Variants in FRG1 observed in about 807,000 individuals in gnomAD.
The protein encoded by FRG1 is protein FRG1.
In FRG1, 19 loss-of-function variants were observed where a neutral mutation model predicts 37.0. The observed-to-expected ratio is 0.51, with a 90% CI of 0.36 to 0.75. The LOEUF (loss-of-function observed/expected upper bound fraction) is 0.75. Ranked by LOEUF, FRG1 falls within the 30% of genes least tolerant of loss-of-function variation. The pLI is 0.00. For missense variants in FRG1, 243 were observed against 301.4 expected (o/e 0.81, Z 1.44); for synonymous variants, 73 against 96.5 (o/e 0.76, Z 1.43).
At position 189,961,886 on chromosome 4, in the gene FRG1, A is replaced by T. The variant is rs867397318; in HGVS notation, c.694A>T (p.Lys232Ter). Residue 232 changes from lysine to a stop codon, truncating the protein, a stop_gained, in exon 8 of 9, where the codon AAA (lysine) becomes TAA (stop). Coordinates refer to ENST00000226798, the MANE Select transcript of FRG1 (RefSeq NM_004477.3). LOFTEE classifies it high-confidence loss of function. The stretch of plus-strand genomic sequence containing the variant: ...AAGTAAAGAAGACAGTAAAATTCTT[A>T]AAAAGGCTCGGAAAGATGGATTTTT... ...KISKEDSKILKKARKDGFLHE... is the reference protein window; with the variant it reads ...KISKEDSKIL The T allele has an allele frequency of 1.3e-6, 2 of 1,599,576 alleles. No individual in the cohort carries two copies. Among genetic ancestry groups the T allele is most frequent in the Admixed American group, 1.7e-5 (1 of 57,844 alleles).
At position 189,941,797 on chromosome 4, in the gene FRG1, G is replaced by A. The variant is rs1214097560; in HGVS notation, c.62+726G>A. 2.2e-5 allele frequency: 9 copies of A among 410,514 alleles called. No homozygotes were observed. In the Admixed American group the frequency reaches 2.3e-4, roughly 11 times the overall value. 25.4% of individuals were successfully genotyped at this position (410,514 alleles called of 1,614,324 possible). A position where few individuals can be genotyped will look rare whatever the true frequency, so the allele number is the denominator to read the frequency against. ...ATTAGCTTTTTAGGAAAAAATACCT[G>A]TGCACTCATATCCCCGCTTCTTTTT... On this transcript the variant is annotated intron_variant, in intron 1 of 8. Transcript: ENST00000226798.
At chr4:189,949,481 C>T (rs374144754) in intron 2 of FRG1, among the ~76,000 whole-genome samples, 1 of 152,110 alleles carries the variant, frequency 6.6e-6, no homozygotes, top group Non-Finnish European at 1.5e-5. Context: ...ATTAAAGTAA[C>T]GTTATTGTAT....
intron 6 of FRG1, among the ~76,000 whole-genome samples, 170 bp downstream of exon 6, chr4:189,957,672 T>G (rs2293867): frequency 0.35 from 53,197 of 151,870 alleles, 9,762 homozygotes; most frequent in African/African-American, 0.46. Context: ...ATAGTTGATG[T>G]CTTGTTTATA....
intron 5 of FRG1, among the ~76,000 whole-genome samples, chr4:189,957,021 TA>T (rs1737010834): frequency 6.6e-6 from 1 of 152,214 alleles, no homozygotes; most frequent in South Asian, 2.1e-4. Context: ...AAATTTTACT[TA>T]AAATGCTAAT....
intron 4 of FRG1, 120 bp downstream of exon 4, chr4:189,953,245 G>T (rs1179930876): frequency 2.9e-6 from 4 of 1,356,560 alleles, no homozygotes; most frequent in South Asian, 4.0e-5. Flanking sequence ...AAACAAAATA[G>T]CTTTTTTGAA....
intron 4 of FRG1, among the ~76,000 whole-genome samples, chr4:189,953,647 A>C (rs1736857320): frequency 6.6e-6 from 1 of 152,140 alleles, no homozygotes; most frequent in African/African-American, 2.4e-5. Context: ...ATATTTTAGT[A>C]ATTGGTTACA....
At chr4:189,953,229 T>C (rs1736837270) in intron 4 of FRG1, 104 bp downstream of exon 4, 1 of 1,402,244 alleles carries the variant, frequency 7.1e-7, no homozygotes, top group Non-Finnish European at 9.3e-7. Context: ...GTAATTTTGA[T>C]GTAAAAAACA....
Position 189,955,017 on chromosome 4 carries a change from T to A in FRG1, c.318-20T>A, listed in dbSNP as rs761683374. ...ATTTTCTCTCAGTCTTTAACTTTTA[T>A]CTATGTTATTAATGTACAGAATCGC... On this transcript the variant is annotated intron_variant, in intron 4 of 8. Transcript: ENST00000226798. 40 of 1,447,014 alleles carry A rather than the reference T, an allele frequency of 2.8e-5. 1 individual carries two copies. The South Asian group carries it at 4.4e-4, about 16-fold the overall frequency. The allele number at this position is 1,447,014 out of a possible 1,614,324, so 89.6% of individuals were successfully genotyped here. A position where few individuals can be genotyped will look rare whatever the true frequency, so the allele number is the denominator to read the frequency against.
chr4:189,943,770 G>A, intron 2 of FRG1, among the ~76,000 whole-genome samples: 1 of 152,030 alleles, frequency 6.6e-6, no homozygotes, highest in East Asian at 1.9e-4. Flanking sequence ...TAACCAGCCT[G>A]TTTTCCGTTT....
chr4:189,947,268 G>T (rs80277054), intron 2 of FRG1, among the ~76,000 whole-genome samples: 1 of 152,090 alleles, frequency 6.6e-6, no homozygotes, highest in Non-Finnish European at 1.5e-5. Flanking sequence ...AATCTCCAGC[G>T]GTAATTCTAG....
chr4:189,943,063 G>C (rs1388122885), intron 1 of FRG1, 139 bp from the exon 2 acceptor site: 1 of 888,704 alleles, frequency 1.1e-6, no homozygotes, highest in East Asian at 2.6e-5. Flanking sequence ...CTGTATTTAA[G>C]AGGGCATATC....
intron 8 of FRG1, among the ~76,000 whole-genome samples, 180 bp downstream of exon 8, chr4:189,962,112 G>C (rs969681483): frequency 6.6e-6 from 1 of 152,126 alleles, no homozygotes; most frequent in Non-Finnish European, 1.5e-5. Flanking sequence ...TGTCATGAAA[G>C]AATATCTAAA....
At chr4:189,951,444 C>A (rs369405455) in intron 2 of FRG1, among the ~76,000 whole-genome samples, 1 of 150,066 alleles carries the variant, frequency 6.7e-6, no homozygotes. Context: ...GAGCCGAGAT[C>A]GCATCACTGC....
intron 2 of FRG1, among the ~76,000 whole-genome samples, chr4:189,948,444 T>G (rs563853685): frequency 1.3e-5 from 2 of 152,322 alleles, no homozygotes; most frequent in South Asian, 4.1e-4. Flanking sequence ...AGCTGTGGAT[T>G]AATAGAAGGT....
At chr4:189,943,764 C>A (rs1219521841) in intron 2 of FRG1, among the ~76,000 whole-genome samples, 1 of 152,166 alleles carries the variant, frequency 6.6e-6, no homozygotes, top group Admixed American at 6.5e-5. Flanking sequence ...CACACTTAAC[C>A]AGCCTGTTTT....
At chr4:189,947,918 G>C (rs1333262113) in intron 2 of FRG1, among the ~76,000 whole-genome samples, 1 of 152,216 alleles carries the variant, frequency 6.6e-6, no homozygotes, top group Admixed American at 6.5e-5. Flanking sequence ...GAAAACACAA[G>C]TGTGTATGAG....
At chr4:189,956,898 A>C (rs181251333) in intron 5 of FRG1, among the ~76,000 whole-genome samples, 2 of 152,338 alleles carry the variant, frequency 1.3e-5, no homozygotes, top group African/African-American at 4.8e-5. Flanking sequence ...ACAACTAAAA[A>C]AGTATATGAA....
chr4:189,955,166 T>A lies in FRG1; in HGVS notation c.432+15T>A, dbSNP rs770332890. 7 of 1,497,370 alleles carry A rather than the reference T, an allele frequency of 4.7e-6. No homozygotes were observed. The highest frequency in any genetic ancestry group is 6.5e-6 in the Non-Finnish European group (7 of 1,074,190). 92.8% of individuals were successfully genotyped at this position (1,497,370 alleles called of 1,614,324 possible). On this transcript the variant is annotated intron_variant, in intron 5 of 8. Transcript: ENST00000226798. ...TCTTTCAAAATGTAAGTGCTGTTAT[T>A]GTTTATAAAAACTTCCTGTCAGTTT...
intron 2 of FRG1, among the ~76,000 whole-genome samples, chr4:189,948,656 C>G (rs772974968): frequency 3.3e-5 from 5 of 149,356 alleles, no homozygotes; most frequent in African/African-American, 1.2e-4. Flanking sequence ...CTGGTACTAT[C>G]TTATCAGCCA....
Sources: gnomAD v4.1 joint callset for allele counts (sites outside exome capture counted in the v4.1 genomes callset) on GRCh38, gnomAD v4.1.1 for gene constraint, MANE v1.5 for transcripts, NCBI Gene and HGNC (gene_info 2026-07-23, HGNC 2026-07-21) for gene names.